Variants in NUDT21 observed in about 807,000 individuals in gnomAD.
NUDT21 encodes the protein nudix hydrolase 21.
NUDT21 carries 5 observed loss-of-function variants against 29.8 expected under a neutral mutation model. That is an observed-to-expected ratio of 0.17 (90% CI 0.09 to 0.35). NUDT21 has a LOEUF of 0.35. NUDT21 is among the 10% of genes least tolerant of loss of function. NUDT21 has a pLI of 1.00. For missense variants in NUDT21, 76 were observed against 276.0 expected (o/e 0.28, Z 5.13); for synonymous variants, 113 against 98.5 (o/e 1.15, Z -0.87).
chr16:56,444,614 C>CAAAA (rs1962196888), intron 3 of NUDT21, among the ~76,000 whole-genome samples: 2 of 116,808 alleles, frequency 1.7e-5, no homozygotes, highest in African/African-American at 6.5e-5. Context: ...AAAAAAAAAA[C>CAAAA]AAAAACAAAA....
rs145551853 is a variant in NUDT21, at chr16:56,450,320, T to C, written c.116+767A>G. ...GCTACAGCGAGTCTGCTTCTGAGAA[T>C]GACCTTGAAATGCAATGGTTTGAAG... On this transcript the variant is annotated intron_variant, in intron 1 of 6. Coordinates refer to ENST00000300291, the MANE Select transcript of NUDT21 (RefSeq NM_007006.3). Among the ~76,000 whole-genome samples, 111 of 152,348 alleles carry C rather than the reference T, an allele frequency of 7.3e-4. 3 individuals are homozygous for C. The highest frequency in any genetic ancestry group is 2.6e-3 in the African/African-American group (108 of 41,572).
At chr16:56,448,081 A>T in intron 1 of NUDT21, 92 bp from the exon 2 acceptor site, 1 of 1,087,086 alleles carries the variant, frequency 9.2e-7, no homozygotes, top group Non-Finnish European at 1.3e-6. Context: ...GTACAAAAAA[A>T]GTGCATATAT....
intron 4 of NUDT21, 84 bp from the exon 5 acceptor site, chr16:56,434,913 T>C (rs1339805451): frequency 3.7e-6 from 3 of 811,252 alleles, no homozygotes; most frequent in African/African-American, 3.5e-5. Flanking sequence ...TAGTATAAAC[T>C]GTTGGGAGAA....
At chr16:56,439,806 TCAG>T in intron 3 of NUDT21, 60 bp from the exon 4 acceptor site, 1 of 1,324,574 alleles carries the variant, frequency 7.5e-7, no homozygotes, top group East Asian at 2.3e-5. Flanking sequence ...ATCCCCTTCT[TCAG>T]TGAACAGAAA....
At chr16:56,435,150 T>C (rs1962082481) in intron 4 of NUDT21, 2 of 174,432 alleles carry the variant, frequency 1.1e-5, no homozygotes, top group South Asian at 2.9e-4. Flanking sequence ...TAAGACAGAG[T>C]TTTGCTCTTG....
At chr16:56,445,177 T>G (rs1460771135) in intron 3 of NUDT21, among the ~76,000 whole-genome samples, 13 of 152,078 alleles carry the variant, frequency 8.5e-5, no homozygotes, top group African/African-American at 3.1e-4. Context: ...AGAGAGAGAC[T>G]TCGTCTCAAG....
At chr16:56,442,650 C>T (rs1034896064) in intron 3 of NUDT21, among the ~76,000 whole-genome samples, 1 of 152,162 alleles carries the variant, frequency 6.6e-6, no homozygotes, top group South Asian at 2.1e-4. Context: ...AGAGGCAAGG[C>T]CAGTAGGTCT....
intron 4 of NUDT21, among the ~76,000 whole-genome samples, chr16:56,438,044 G>A (rs1477914015): frequency 6.6e-6 from 1 of 152,142 alleles, no homozygotes; most frequent in Non-Finnish European, 1.5e-5. Flanking sequence ...TTAAATTCCT[G>A]ATGGAAGTAC....
Position 56,451,294 on chromosome 16 carries a change from C to G in NUDT21, c.-92G>C, listed in dbSNP as rs1017762951. ...AAGCGGTTATCTGCAATCCCCTCAG[C>G]GGCTACTGCCCGCCATTAACAGGAC... On this transcript the variant is annotated 5_prime_UTR_variant, in exon 1 of 7. Coordinates refer to ENST00000300291, the MANE Select transcript of NUDT21 (RefSeq NM_007006.3). The G allele has an allele frequency of 4.1e-6, 4 of 975,928 alleles. No homozygotes were observed. The highest frequency in any genetic ancestry group is 3.2e-4 in the Middle Eastern group (1 of 3,168). 60.5% of individuals were successfully genotyped at this position (975,928 alleles called of 1,614,324 possible).
At chr16:56,450,289 T>C (rs1962274419) in intron 1 of NUDT21, among the ~76,000 whole-genome samples, 2 of 152,310 alleles carry the variant, frequency 1.3e-5, no homozygotes, top group East Asian at 1.9e-4. Flanking sequence ...CAAACGCCAA[T>C]TACCTGCTAC....
At chr16:56,440,266 C>T (rs1962144761) in intron 3 of NUDT21, among the ~76,000 whole-genome samples, 1 of 152,198 alleles carries the variant, frequency 6.6e-6, no homozygotes, top group African/African-American at 2.4e-5. Context: ...TCAGAGACTT[C>T]TCATATACCC....
rs141864421 is a variant in NUDT21 at position 56,436,994 on chromosome 16, T to C, written c.472-2165A>G. On this transcript the variant is annotated intron_variant, in intron 4 of 6. Transcript: ENST00000300291. The stretch of plus-strand genomic sequence containing the variant: ...CACTACTAAGCATTTTCCAATTAGA[T>C]CAAGGCATGTTCAGGAAGCCAAAAA... 3.3e-3 allele frequency among the ~76,000 whole-genome samples: 496 copies of C among 152,272 alleles called. 6 individuals carry two copies. The highest frequency in any genetic ancestry group is 0.011 in the African/African-American group (454 of 41,550).
chr16:56,447,781 C>G lies in NUDT21; in HGVS notation c.317+8G>C, dbSNP rs758445165. 1.9e-6 allele frequency: 3 copies of G among 1,613,526 alleles called. No individual in the cohort carries two copies. The highest frequency in any genetic ancestry group is 2.5e-6 in the Non-Finnish European group (3 of 1,179,454). ...ACTGTCTTGCTGTTAATTTCCAACA[C>G]TACTTACAGTTTGAAGAAAGTTGTT... is the stretch of plus-strand genomic sequence containing the variant. On this transcript the variant is annotated splice_region_variant and intron_variant, in intron 2 of 6. Transcript: ENST00000300291.
chr16:56,432,660 G>C lies in NUDT21; in HGVS notation c.*52C>G, dbSNP rs1567537197. ...CCACATTTATTCTACACTGTATATA[G>C]CTGTGCTCACAGAGACAAGCGGCTT... On this transcript the variant is annotated 3_prime_UTR_variant, in exon 7 of 7. Transcript: ENST00000300291. 1 of 1,571,700 alleles carries C rather than the reference G, an allele frequency of 6.4e-7. No individual in the cohort carries two copies. The highest frequency in any genetic ancestry group is 8.7e-7 in the Non-Finnish European group (1 of 1,147,902).
chr16:56,431,892 T>C lies in NUDT21; in HGVS notation c.*820A>G, dbSNP rs1212894316. 1 of 152,240 alleles carries C rather than the reference T, an allele frequency of 6.6e-6. No homozygotes were observed. Among genetic ancestry groups the C allele is most frequent in the Non-Finnish European group, 1.5e-5 (1 of 68,044 alleles). The allele number at this position is 152,240 out of a possible 1,614,324, so 9.4% of individuals were successfully genotyped here. ...TCTATGTACACAACTTCAAGTTAAT[T>C]GAATATTTGTGCAATCTCAGAGTTC... On this transcript the variant is annotated 3_prime_UTR_variant, in exon 7 of 7. Coordinates refer to ENST00000300291, the MANE Select transcript of NUDT21 (RefSeq NM_007006.3).
chr16:56,438,181 C>A (rs999349172), intron 4 of NUDT21, among the ~76,000 whole-genome samples: 1 of 152,158 alleles, frequency 6.6e-6, no homozygotes, highest in Non-Finnish European at 1.5e-5. Context: ...TAGCACACAG[C>A]AGAAGTGATG....
At chr16:56,434,553 A>G (rs1327810049) in intron 5 of NUDT21, 108 bp from the exon 6 acceptor site, 1 of 794,736 alleles carries the variant, frequency 1.3e-6, no homozygotes, top group Non-Finnish European at 2.1e-6. Flanking sequence ...GAAAAAAGAT[A>G]ATTCTCATTA....
rs8060356 is a variant in NUDT21, at chr16:56,450,774, A to C, written c.116+313T>G. ...TAAACAATTCACTGGAAGGATTAAA[A>C]AAACACACATTTTGAAGTCGGTTAC... On this transcript the variant is annotated intron_variant, in intron 1 of 6. Transcript: ENST00000300291. 7.2e-3 allele frequency among the ~76,000 whole-genome samples: 1,095 copies of C among 152,364 alleles called. 14 individuals carry two copies. Among genetic ancestry groups the C allele is most frequent in the African/African-American group, 0.024 (1,002 of 41,594 alleles).
At chr16:56,438,085 A>T (rs1962124227) in intron 4 of NUDT21, among the ~76,000 whole-genome samples, 1 of 152,192 alleles carries the variant, frequency 6.6e-6, no homozygotes, top group African/African-American at 2.4e-5. Flanking sequence ...CTGCCTTAAG[A>T]TGACCCCCAA....
Sources: allele counts gnomAD v4.1 joint callset (sites outside exome capture counted in the v4.1 genomes callset), GRCh38; gene constraint gnomAD v4.1.1; transcripts MANE v1.5; gene names NCBI Gene and HGNC (gene_info 2026-07-23, HGNC 2026-07-21).